The following FCHSD2 variants were observed in gnomAD, a reference collection of about 807,000 sequenced individuals.
FCHSD2 encodes the protein FCH and double SH3 domains 2.
FCHSD2 carries 38 observed loss-of-function variants against 108.1 expected under a neutral mutation model. The observed-to-expected ratio is 0.35, with a 90% confidence interval of 0.27 to 0.46. FCHSD2 has a LOEUF of 0.46. Ranked by LOEUF, FCHSD2 falls within the 20% of genes least tolerant of loss-of-function variation. FCHSD2 has a pLI of 1.00. For synonymous variants in FCHSD2, 279 were observed against 314.7 expected (o/e 0.89, Z 1.20); for missense variants, 751 against 897.8 (o/e 0.84, Z 2.09).
intron 3 of FCHSD2, among the ~76,000 whole-genome samples, chr11:73,080,371 ACT>A (rs1475233725): frequency 6.6e-6 from 1 of 151,848 alleles, no homozygotes; most frequent in Non-Finnish European, 1.5e-5. Context: ...AACTTTGACC[ACT>A]CTGTAAAATG....
At chr11:72,874,149 T>G (rs1360678436) in intron 12 of FCHSD2, among the ~76,000 whole-genome samples, 1 of 152,240 alleles carries the variant, frequency 6.6e-6, no homozygotes, top group African/African-American at 2.4e-5. Context: ...ACTTCATTCT[T>G]TTGCATATGG....
In FCHSD2 at chr11:72,995,472, C is replaced by T. The variant is rs114865497; in HGVS notation, c.387+5518G>A. 5.1e-3 allele frequency among the ~76,000 whole-genome samples: 778 copies of T among 151,860 alleles called. 6 individuals are homozygous for T. The highest frequency in any genetic ancestry group is 0.018 in the African/African-American group (756 of 41,396). ...ATCTTAGCACTTTGGGAGGCTGAGG[C>T]GGCCAGATATCTTGAGCCCTGGAGT... On this transcript the variant is annotated intron_variant, in intron 5 of 19. Coordinates refer to ENST00000409418, the MANE Select transcript of FCHSD2 (RefSeq NM_014824.3).
intron 2 of FCHSD2, among the ~76,000 whole-genome samples, chr11:73,111,760 A>C (rs1389949725): frequency 6.6e-6 from 1 of 151,636 alleles, no homozygotes; most frequent in Admixed American, 6.6e-5. Flanking sequence ...TGTATCTGTT[A>C]TATGATTTTT....
At chr11:73,023,268 G>A (rs544178976) in intron 3 of FCHSD2, among the ~76,000 whole-genome samples, 20 of 152,024 alleles carry the variant, frequency 1.3e-4, no homozygotes, top group Admixed American at 2.0e-4. Context: ...CTGCAGATTA[G>A]GAAAAAATAC....
chr11:72,983,826 C>A (rs1452928769), intron 8 of FCHSD2: 2 of 547,986 alleles, frequency 3.6e-6, no homozygotes, highest in Admixed American at 4.4e-5. Context: ...ACATCAATAA[C>A]CACTAGATAA....
At chr11:72,985,822 G>A (rs1857300331) in intron 6 of FCHSD2, among the ~76,000 whole-genome samples, 1 of 152,130 alleles carries the variant, frequency 6.6e-6, no homozygotes, top group South Asian at 2.1e-4. Context: ...CCAAACAGCT[G>A]CAGATAACCA....
chr11:73,092,364 T>C (rs1859978579), intron 2 of FCHSD2, among the ~76,000 whole-genome samples: 1 of 151,846 alleles, frequency 6.6e-6, no homozygotes, highest in African/African-American at 2.4e-5. Flanking sequence ...GATCTCAAAC[T>C]CCTGGCTTCC....
chr11:73,130,012 C>A (rs1044312395), intron 2 of FCHSD2, among the ~76,000 whole-genome samples: 2 of 151,660 alleles, frequency 1.3e-5, no homozygotes, highest in South Asian at 4.2e-4. Flanking sequence ...CACCGAGTAG[C>A]TGGGACTCCA....
At chr11:72,899,604 A>G (rs1398180853) in intron 10 of FCHSD2, among the ~76,000 whole-genome samples, 2 of 151,778 alleles carry the variant, frequency 1.3e-5, no homozygotes, top group Non-Finnish European at 2.9e-5. Flanking sequence ...AAATAAAATA[A>G]AAATCAGCTG....
At chr11:73,089,272 A>T (rs1385532410) in intron 2 of FCHSD2, among the ~76,000 whole-genome samples, 1 of 152,020 alleles carries the variant, frequency 6.6e-6, no homozygotes, top group Admixed American at 6.6e-5. Context: ...TGCTATAATA[A>T]AACAGACAGT....
chr11:73,002,019 G>A (rs575172105), intron 4 of FCHSD2, among the ~76,000 whole-genome samples: 2 of 152,224 alleles, frequency 1.3e-5, no homozygotes, highest in South Asian at 4.1e-4. Flanking sequence ...TTTTTAAAAT[G>A]AGTCCTTAAA....
chr11:72,901,329 G>T (rs1032824993), intron 10 of FCHSD2, among the ~76,000 whole-genome samples: 1 of 152,040 alleles, frequency 6.6e-6, no homozygotes, highest in Non-Finnish European at 1.5e-5. Flanking sequence ...CCCAGGAGAG[G>T]GGGGCTGTAG....
chr11:73,066,860 T>C (rs1050196958), intron 3 of FCHSD2, among the ~76,000 whole-genome samples: 11 of 152,122 alleles, frequency 7.2e-5, no homozygotes, highest in Non-Finnish European at 5.9e-5. Flanking sequence ...TGTGGAGAAA[T>C]AGGAACGCTC....
chr11:73,056,430 T>C (rs1275693808), intron 3 of FCHSD2, among the ~76,000 whole-genome samples: 1 of 152,192 alleles, frequency 6.6e-6, no homozygotes, highest in Admixed American at 6.5e-5. Context: ...TTTTTAAAAA[T>C]TATTTTTTGT....
At chr11:72,874,842 G>C (rs1480122598) in intron 12 of FCHSD2, among the ~76,000 whole-genome samples, 1 of 152,096 alleles carries the variant, frequency 6.6e-6, no homozygotes, top group Non-Finnish European at 1.5e-5. Flanking sequence ...GAATTTTCAT[G>C]ATTTGCCAAC....
At chr11:72,935,054 A>G (rs932746123) in intron 8 of FCHSD2, among the ~76,000 whole-genome samples, 9 of 152,150 alleles carry the variant, frequency 5.9e-5, no homozygotes, top group African/African-American at 2.2e-4. Flanking sequence ...AAATCAGTTG[A>G]GTTTGGAACC....
intron 3 of FCHSD2, among the ~76,000 whole-genome samples, chr11:73,082,210 GC>G (rs1859705387): frequency 6.6e-6 from 1 of 151,732 alleles, no homozygotes; most frequent in African/African-American, 2.4e-5. Flanking sequence ...GATGGCGTGT[GC>G]CTGTCATCCC....
chr11:72,980,795 T>C (rs1246829099), intron 8 of FCHSD2, among the ~76,000 whole-genome samples: 1 of 151,806 alleles, frequency 6.6e-6, no homozygotes, highest in Non-Finnish European at 1.5e-5. Context: ...TCTTCTACCA[T>C]ATTGAGCTCT....
chr11:73,025,681 T>G (rs572301410), intron 3 of FCHSD2, among the ~76,000 whole-genome samples: 6 of 152,296 alleles, frequency 3.9e-5, no homozygotes, highest in African/African-American at 1.4e-4. Flanking sequence ...TTTTAAAAAT[T>G]TTTTAAATCT....
Sources: allele counts gnomAD v4.1 joint callset (sites outside exome capture counted in the v4.1 genomes callset), GRCh38; gene constraint gnomAD v4.1.1; transcripts MANE v1.5; gene names NCBI Gene and HGNC (gene_info 2026-07-23, HGNC 2026-07-21).